The following RBM20 variants were observed in gnomAD, a reference collection of about 807,000 sequenced individuals.
RBM20 encodes RNA-binding protein 20.
In RBM20, 51 loss-of-function variants were observed where a neutral mutation model predicts 110.1. The observed-to-expected ratio is 0.46, with a 90% CI of 0.37 to 0.59. RBM20 has a LOEUF of 0.59. Among genes scored for constraint, RBM20 ranks in the 20% least tolerant of loss-of-function variants. The probability of loss-of-function intolerance (pLI) is 0.00; values close to 1 mark genes in which losing one functional copy is unlikely to be tolerated. For synonymous variants in RBM20, 589 were observed against 618.2 expected, an observed-to-expected ratio of 0.95 and a Z score of 0.70; for missense variants, 1,512 against 1,574.9, an observed-to-expected ratio of 0.96 and a Z score of 0.68.
At chr10:110,768,155 G>C (rs563562267) in intron 1 of RBM20, among the ~76,000 whole-genome samples, 1 of 152,370 alleles carries the variant, frequency 6.6e-6, no homozygotes, top group East Asian at 1.9e-4. Context: ...AGGCAGGGAG[G>C]TTGCAGTGAG....
intron 9 of RBM20, among the ~76,000 whole-genome samples, chr10:110,817,430 G>C (rs1844854298): frequency 6.6e-6 from 1 of 152,152 alleles, no homozygotes; most frequent in Non-Finnish European, 1.5e-5. Context: ...TCAGAGCCTA[G>C]ACAAGACCCA....
At chr10:110,720,109 A>G (rs964272854) in intron 1 of RBM20, among the ~76,000 whole-genome samples, 1 of 152,170 alleles carries the variant, frequency 6.6e-6, no homozygotes, top group South Asian at 2.1e-4. Flanking sequence ...CTAGTGACCT[A>G]ATCACCTCCT....
Position 110,812,705 on chromosome 10 carries a change from A to G in RBM20, c.2308A>G (p.Lys770Glu). ...GAAAGAGCCCAAAGCCAAGTCGGAC[A>G]AGTATCTGAAGCAGCAGCAGGATGC... ...YRKEPKAKSD[K>E]YLKQQQDAPG... Residue 770 changes from lysine to glutamate, a missense_variant, in exon 9 of 14, where the codon AAG becomes GAG. By Grantham distance (56) the Lys-to-Glu change is moderately conservative. This residue lies in a region of RBM20 where 1,149 missense variants were observed against 1,169.4 expected (regional missense o/e 0.98). Transcript: ENST00000369519. 6.4e-7 allele frequency: 1 copy of G among 1,551,718 alleles called. No individual in the cohort carries two copies. The highest frequency in any genetic ancestry group is 8.7e-7 in the Non-Finnish European group (1 of 1,146,984).
chr10:110,746,495 C>T (rs1044632824), intron 1 of RBM20, among the ~76,000 whole-genome samples: 1 of 152,154 alleles, frequency 6.6e-6, no homozygotes, highest in African/African-American at 2.4e-5. Flanking sequence ...TGGTAAGACC[C>T]ACAAATGGAG....
rs187304188 is a variant in RBM20, at chr10:110,736,927, C to A, written c.192-43874C>A. Among the ~76,000 whole-genome samples, 102 of 152,038 alleles carry A rather than the reference C, an allele frequency of 6.7e-4. 1 individual carries two copies. The highest frequency in any genetic ancestry group is 2.3e-3 in the African/African-American group (94 of 41,460). The stretch of plus-strand genomic sequence containing the variant: ...CAGTGGCTCACAGCTGTAATCCCAG[C>A]ACTTTGGAAGGCCGAGGTGAGCAGA... On this transcript the variant is annotated intron_variant, in intron 1 of 13. Coordinates refer to ENST00000369519, the MANE Select transcript of RBM20 (RefSeq NM_001134363.3).
At chr10:110,833,535 A>G (rs117121692) in intron 13 of RBM20, among the ~76,000 whole-genome samples, 1,556 of 152,210 alleles carry the variant, frequency 0.01, 11 homozygotes, top group Middle Eastern at 0.031. Context: ...CTTTTCTCTC[A>G]TCCAGCATTT....
At chr10:110,672,964 CTTA>C (rs1370023171) in intron 1 of RBM20, among the ~76,000 whole-genome samples, 2 of 152,188 alleles carry the variant, frequency 1.3e-5, no homozygotes, top group East Asian at 1.9e-4. Flanking sequence ...CATTTTTTCT[CTTA>C]TTATTATTTT....
intron 1 of RBM20, among the ~76,000 whole-genome samples, chr10:110,664,298 A>G (rs989685342): frequency 2.6e-5 from 4 of 152,232 alleles, no homozygotes; most frequent in African/African-American, 9.6e-5. Context: ...AGAAGCTATC[A>G]AAGACCACGG....
chr10:110,668,122 T>G (rs1376841784), intron 1 of RBM20, among the ~76,000 whole-genome samples: 2 of 152,220 alleles, frequency 1.3e-5, no homozygotes, highest in African/African-American at 4.8e-5. Context: ...CTTGCATCTA[T>G]TTTTAACTAA....
intron 7 of RBM20, among the ~76,000 whole-genome samples, chr10:110,809,526 T>C (rs140231109): frequency 2.0e-5 from 3 of 152,294 alleles, no homozygotes; most frequent in Non-Finnish European, 4.4e-5. Context: ...TTGGTTATCA[T>C]GTGTCCATTC....
At chr10:110,765,769 T>A (rs913958878) in intron 1 of RBM20, among the ~76,000 whole-genome samples, 3 of 151,192 alleles carry the variant, frequency 2.0e-5, no homozygotes, top group Non-Finnish European at 3.0e-5. Context: ...TCACGGAGAT[T>A]TTTTTTTTAA....
At chr10:110,822,862 G>A (rs1396616481) in intron 11 of RBM20, among the ~76,000 whole-genome samples, 4 of 152,242 alleles carry the variant, frequency 2.6e-5, no homozygotes, top group African/African-American at 7.2e-5. Context: ...AAACCCCGCC[G>A]TGAAATGCCT....
intron 1 of RBM20, among the ~76,000 whole-genome samples, chr10:110,768,723 G>A (rs867096445): frequency 1.3e-5 from 2 of 152,204 alleles, no homozygotes; most frequent in Non-Finnish European, 2.9e-5. Context: ...CTAGGATGTG[G>A]ATGATGTCCT....
intron 12 of RBM20, 103 bp from the exon 13 acceptor site, chr10:110,830,958 G>A (rs1442025650): frequency 8.5e-7 from 1 of 1,170,290 alleles, no homozygotes; most frequent in East Asian, 2.6e-5. Flanking sequence ...CAAGTGAGGG[G>A]TGGAGCTCGT....
Position 110,739,253 on chromosome 10 carries a change from T to C in RBM20, c.192-41548T>C, listed in dbSNP as rs903060457. The stretch of plus-strand genomic sequence containing the variant: ...GTCATGCTGTGTTTTTAGGAAGATA[T>C]TTGAGCAGGAGATCATGAAAATTTT... On this transcript the variant is annotated intron_variant, in intron 1 of 13. Transcript: ENST00000369519. The surrounding 1 kb of genome is among the most constrained non-coding windows in gnomAD (Gnocchi z 4.1). Among the ~76,000 whole-genome samples the C allele has an allele frequency of 1.3e-5, 2 of 152,156 alleles. No homozygotes were observed. Among genetic ancestry groups the C allele is most frequent in the African/African-American group, 4.8e-5 (2 of 41,436 alleles).
intron 1 of RBM20, among the ~76,000 whole-genome samples, chr10:110,647,514 G>A (rs1590592887): frequency 6.6e-6 from 1 of 152,014 alleles, no homozygotes; most frequent in East Asian, 1.9e-4. Context: ...TAATATAGAG[G>A]CATTATTGTA....
chr10:110,722,972 C>T (rs965805926), intron 1 of RBM20, among the ~76,000 whole-genome samples: 2 of 151,998 alleles, frequency 1.3e-5, no homozygotes, highest in Admixed American at 6.6e-5. Context: ...ATTAGCCGGG[C>T]GTTGTGGCAT....
chr10:110,678,412 C>T (rs1862373547), intron 1 of RBM20, among the ~76,000 whole-genome samples: 1 of 152,224 alleles, frequency 6.6e-6, no homozygotes, highest in African/African-American at 2.4e-5. Context: ...TAATTTGGTT[C>T]ACTTTGATTA....
In RBM20 at chr10:110,744,152, A is replaced by G. The variant is rs181901982; in HGVS notation, c.192-36649A>G. Among the ~76,000 whole-genome samples, 56 of 152,328 alleles carry G rather than the reference A, an allele frequency of 3.7e-4. No individual in the cohort carries two copies. The East Asian group carries it at 7.3e-3, about 20-fold the overall frequency. ...ACTCCTTCACCTCTCAGTGCCTCAG[A>G]TACCTCTCTATACAGAGGAAATGCA... On this transcript the variant is annotated intron_variant, in intron 1 of 13. Coordinates refer to ENST00000369519, the MANE Select transcript of RBM20 (RefSeq NM_001134363.3).
Sources: allele counts gnomAD v4.1 joint callset (sites outside exome capture counted in the v4.1 genomes callset), GRCh38; gene constraint gnomAD v4.1.1; regional missense constraint gnomAD v4.1.1; non-coding constraint Gnocchi (gnomAD v3.1); transcripts MANE v1.5; gene names NCBI Gene and HGNC (gene_info 2026-07-23, HGNC 2026-07-21).